ASCL3: variants seen among roughly 807,000 people sequenced by gnomAD.
ASCL3 encodes the protein achaete-scute homolog 3.
In ASCL3, 1 loss-of-function variant was observed where a neutral mutation model predicts 2.3. The observed-to-expected ratio is 0.44, with a 90% CI of 0.16 to 2.10. ASCL3 has a LOEUF of 2.10. ASCL3 is among the 30% of genes most tolerant of loss of function. ASCL3 has a pLI of 0.28. For missense variants in ASCL3, 243 were observed against 229.0 expected (o/e 1.06, Z -0.40); for synonymous variants, 98 against 88.5 (o/e 1.11, Z -0.60).
intron 1 of ASCL3, 95 bp from the exon 2 acceptor site, chr11:8,938,268 G>A (rs1334478973): frequency 1.4e-5 from 17 of 1,181,146 alleles, no homozygotes; most frequent in East Asian, 2.4e-5. Context: ...TTTATTTTTC[G>A]AGATGGAGTC....
rs796844982 is a variant in ASCL3, at chr11:8,938,757, A to C, written c.-12-584T>G. Among the ~76,000 whole-genome samples the C allele has an allele frequency of 1.7e-4, 25 of 149,372 alleles. 1 individual carries two copies. The highest frequency in any genetic ancestry group is 6.2e-4 in the African/African-American group (25 of 40,580). ...CTTGTGGTTATAAAGATACAACCTTAGTCTGCTGAGAATGTGTCTTCCACA... is the reference window on the plus strand; with the variant it reads ...CTTGTGGTTATAAAGATACAACCTTCGTCTGCTGAGAATGTGTCTTCCACA... On this transcript the variant is annotated intron_variant, in intron 1 of 1. Coordinates refer to ENST00000531618, the MANE Select transcript of ASCL3 (RefSeq NM_020646.3).
chr11:8,938,663 C>T (rs1212610426), intron 1 of ASCL3, among the ~76,000 whole-genome samples: 6 of 152,088 alleles, frequency 3.9e-5, no homozygotes, highest in Admixed American at 3.9e-4. Context: ...TGATGGTACA[C>T]AGAAACAGCA....
intron 1 of ASCL3, 68 bp from the exon 2 acceptor site, chr11:8,938,241 T>C (rs2064690141): frequency 6.8e-6 from 9 of 1,316,686 alleles, no homozygotes; most frequent in Non-Finnish European, 9.4e-6. Context: ...TTCTTGGAGA[T>C]CAATGTTTTA....
In ASCL3 at chr11:8,938,173, C is replaced by T. The variant is rs566600529; in HGVS notation, c.-12G>A. Reference sequence around the variant, plus strand: ...CTGTTGTCCATCATTTCCTCTTTAACCTGCAAACATAACCAAGTTTAACAA... The same window carrying T: ...CTGTTGTCCATCATTTCCTCTTTAATCTGCAAACATAACCAAGTTTAACAA... On this transcript the variant is annotated splice_region_variant and 5_prime_UTR_variant, in exon 2 of 2. Coordinates refer to ENST00000531618, the MANE Select transcript of ASCL3 (RefSeq NM_020646.3). The T allele has an allele frequency of 1.3e-6, 2 of 1,571,164 alleles. No homozygotes were observed. The highest frequency in any genetic ancestry group is 1.4e-5 in the African/African-American group (1 of 73,574).
intron 1 of ASCL3, among the ~76,000 whole-genome samples, chr11:8,941,328 A>AACAC (rs1174966889): frequency 2.6e-5 from 3 of 116,244 alleles, no homozygotes; most frequent in East Asian, 2.4e-4. Context: ...TGGCATACTA[A>AACAC]ACACACACAC....
At chr11:8,939,843 A>G (rs116556407) in intron 1 of ASCL3, among the ~76,000 whole-genome samples, 2,326 of 152,326 alleles carry the variant, frequency 0.015, 59 homozygotes, top group African/African-American at 0.052. Flanking sequence ...AATGTTCACT[A>G]TGGGACTCCT....
In ASCL3 at chr11:8,937,822, C is replaced by A. The variant is rs137922914; in HGVS notation, c.340G>T (p.Ala114Ser). 88 of 1,614,142 alleles carry A rather than the reference C, an allele frequency of 5.5e-5. No individual in the cohort carries two copies. Among genetic ancestry groups the A allele is most frequent in the South Asian group, 3.0e-4 (27 of 91,080 alleles). The change falls in exon 2 of 2, where the codon GCC becomes TCC. Residue 114 changes from alanine to serine, a missense_variant. By Grantham distance (99) the Ala-to-Ser change is moderately conservative. Coordinates refer to ENST00000531618, the MANE Select transcript of ASCL3 (RefSeq NM_020646.3). Reference protein sequence around the residue: ...QRVKCVNEGYAQLRHHLPEEY... With the variant: ...QRVKCVNEGYSQLRHHLPEEY... ...TCTGGCAGATGATGGCGGAGCTGGG[C>A]GTAGCCTTCATTGACACATTTCACC...
chr11:8,938,021 G>T lies in ASCL3; in HGVS notation c.141C>A (p.Ser47=). 6.2e-7 allele frequency: 1 copy of T among 1,613,994 alleles called. No individual in the cohort carries two copies. Among genetic ancestry groups the T allele is most frequent in the Admixed American group, 1.7e-5 (1 of 60,016 alleles). ...GCCGTGGCAGCTCCTCAGAGTAAGGGGATGACACCGGGGCCTCTGGGTGCA... is the reference window on the plus strand; with the variant it reads ...GCCGTGGCAGCTCCTCAGAGTAAGGTGATGACACCGGGGCCTCTGGGTGCA... ...FHVHPEAPVS[S]PYSEELPRLP... Residue 47 remains serine, a synonymous_variant, in exon 2 of 2, where the codon TCC becomes TCA. Transcript: ENST00000531618.
chr11:8,942,077 A>G (rs546018111), intron 1 of ASCL3, among the ~76,000 whole-genome samples: 4 of 152,278 alleles, frequency 2.6e-5, no homozygotes, highest in African/African-American at 7.2e-5. Flanking sequence ...CATTTAAACA[A>G]TATCTTAAAT....
At chr11:8,939,002 G>C (rs937565057) in intron 1 of ASCL3, among the ~76,000 whole-genome samples, 4 of 151,452 alleles carry the variant, frequency 2.6e-5, no homozygotes, top group Non-Finnish European at 2.9e-5. Flanking sequence ...ACAGGGTCTT[G>C]CCATGTTGCC....
intron 1 of ASCL3, among the ~76,000 whole-genome samples, chr11:8,938,481 C>G (rs2064691507): frequency 6.6e-6 from 1 of 151,892 alleles, no homozygotes; most frequent in Non-Finnish European, 1.5e-5. Context: ...GATCTCTTGA[C>G]CTTGTGATCC....
intron 1 of ASCL3, among the ~76,000 whole-genome samples, chr11:8,940,931 G>A (rs371524245): frequency 7.2e-5 from 11 of 152,262 alleles, no homozygotes; most frequent in African/African-American, 2.6e-4. Flanking sequence ...GTTATTTTCT[G>A]TAAGGGAGTT....
chr11:8,940,618 G>A (rs996571342), intron 1 of ASCL3, among the ~76,000 whole-genome samples: 2 of 152,100 alleles, frequency 1.3e-5, no homozygotes, highest in Non-Finnish European at 2.9e-5. Flanking sequence ...GTCCAAATGA[G>A]CTACTAACTA....
chr11:8,939,154 G>T (rs1469058134), intron 1 of ASCL3, among the ~76,000 whole-genome samples: 1 of 152,074 alleles, frequency 6.6e-6, no homozygotes, highest in Non-Finnish European at 1.5e-5. Context: ...ACAAGCAATA[G>T]CGTCTAGTTA....
Position 8,937,639 on chromosome 11 carries a change from C to T in ASCL3, c.523G>A (p.Asp175Asn). Residue 175 changes from aspartate to asparagine, a missense_variant, in exon 2 of 2, where the codon GAC becomes AAC. Coordinates refer to ENST00000531618, the MANE Select transcript of ASCL3 (RefSeq NM_020646.3). Reference protein sequence around the residue: ...SMIATTSHHADPMFRIV With the variant: ...SMIATTSHHANPMFRIV ...ACTCAAACAATTCTGAACATAGGGTCAGCATGGTGGCTGGTGGTTGCTATC... is the reference window on the plus strand; with the variant it reads ...ACTCAAACAATTCTGAACATAGGGTTAGCATGGTGGCTGGTGGTTGCTATC... The T allele has an allele frequency of 6.2e-7, 1 of 1,613,684 alleles. No homozygotes were observed. The highest frequency in any genetic ancestry group is 8.5e-7 in the Non-Finnish European group (1 of 1,179,800).
intron 1 of ASCL3, 27 bp from the exon 2 acceptor site, chr11:8,938,200 G>A (rs753291448): frequency 9.9e-6 from 15 of 1,516,784 alleles, no homozygotes; most frequent in African/African-American, 1.4e-5. Flanking sequence ...GTTTAACAAT[G>A]TGGTCAGATA....
In ASCL3 at chr11:8,938,075, G is replaced by C. The variant is rs202112150; in HGVS notation, c.87C>G (p.Phe29Leu). ...GGAAAGTGACCATGGGCTCCAGATA[G>C]AAGGACCTGGTCAGTGGCAAGCGGG... ...DSARLPLTRS[F>L]YLEPMVTFHV... Residue 29 changes from phenylalanine to leucine, a missense_variant, in exon 2 of 2, where the codon TTC becomes TTG. By Grantham distance (22) the Phe-to-Leu change is conservative. Transcript: ENST00000531618. 178 of 1,613,942 alleles carry C rather than the reference G, an allele frequency of 1.1e-4. No homozygotes were observed. The highest frequency in any genetic ancestry group is 1.4e-4 in the Non-Finnish European group (164 of 1,179,968).
chr11:8,942,253 A>G (rs1197465879), intron 1 of ASCL3, among the ~76,000 whole-genome samples: 1 of 152,190 alleles, frequency 6.6e-6, no homozygotes, highest in Non-Finnish European at 1.5e-5. Flanking sequence ...TTCACCAATC[A>G]ATGTACTAGC....
Position 8,937,793 on chromosome 11 carries a change from C to T in ASCL3, c.369G>A (p.Glu123=), listed in dbSNP as rs1356266581. Residue 123 remains glutamate, a synonymous_variant, in exon 2 of 2, where the codon GAG becomes GAA. Transcript: ENST00000531618. ...CTTTGCTGAGTCGCTTCTCCAAATA[C>T]TCCTCTGGCAGATGATGGCGGAGCT... ...YAQLRHHLPE[E]YLEKRLSKVE... The T allele has an allele frequency of 1.1e-5, 17 of 1,613,952 alleles. 1 individual carries two copies. Among genetic ancestry groups the T allele is most frequent in the Non-Finnish European group, 1.2e-5 (14 of 1,179,998 alleles).
Sources: allele counts gnomAD v4.1 joint callset (sites outside exome capture counted in the v4.1 genomes callset), GRCh38; gene constraint gnomAD v4.1.1; transcripts MANE v1.5; gene names NCBI Gene and HGNC (gene_info 2026-07-23, HGNC 2026-07-21).